ASS1: variants seen among roughly 807,000 people sequenced by gnomAD.
ASS1 encodes argininosuccinate synthase.
ASS1 carries 58 observed loss-of-function variants against 60.5 expected under a neutral mutation model. That is an observed-to-expected ratio of 0.96 (90% confidence interval 0.78 to 1.19). The LOEUF is 1.19. Ranked by LOEUF, ASS1 falls within the 50% of genes most tolerant of loss-of-function variation. The pLI, the probability that ASS1 is intolerant of heterozygous loss-of-function variation, is 0.00. For missense variants in ASS1, 454 were observed against 547.3 expected, an observed-to-expected ratio of 0.83 and a Z score of 1.70; for synonymous variants, 200 against 206.9, an observed-to-expected ratio of 0.97 and a Z score of 0.29.
chr9:130,456,615 T>A (rs1005145015), intron 3 of ASS1, among the ~76,000 whole-genome samples: 5 of 152,164 alleles, frequency 3.3e-5, no homozygotes, highest in African/African-American at 1.2e-4. Flanking sequence ...ACACAGGAAG[T>A]TGCAAAAGCA....
chr9:130,485,176 G>A (rs1043465188), intron 11 of ASS1, among the ~76,000 whole-genome samples: 4 of 152,154 alleles, frequency 2.6e-5, no homozygotes, highest in Non-Finnish European at 4.4e-5. Context: ...CCCCACCTGC[G>A]CCCTCCCCTC....
At chr9:130,461,991 G>A (rs1298886849) in intron 4 of ASS1, among the ~76,000 whole-genome samples, 1 of 152,150 alleles carries the variant, frequency 6.6e-6, no homozygotes, top group Non-Finnish European at 1.5e-5. Context: ...AGCCCTGAAG[G>A]CAGAGGCGGA....
intron 7 of ASS1, among the ~76,000 whole-genome samples, chr9:130,471,158 G>A (rs1283513676): frequency 6.6e-6 from 1 of 152,198 alleles, no homozygotes; most frequent in Non-Finnish European, 1.5e-5. Context: ...GCTTCTTAGA[G>A]GAGGTGGCAT....
intron 11 of ASS1, among the ~76,000 whole-genome samples, chr9:130,487,079 G>A (rs1027449480): frequency 2.0e-5 from 3 of 152,188 alleles, no homozygotes; most frequent in Admixed American, 6.5e-5. Context: ...TAAAACTGGT[G>A]TGTGGGACTA....
At chr9:130,453,809 G>A (rs1048001754) in intron 2 of ASS1, among the ~76,000 whole-genome samples, 5 of 152,220 alleles carry the variant, frequency 3.3e-5, no homozygotes, top group Non-Finnish European at 7.3e-5. Flanking sequence ...TGGCCACAGG[G>A]ACGGAGCTGG....
intron 2 of ASS1, among the ~76,000 whole-genome samples, chr9:130,453,486 T>C (rs981629876): frequency 6.6e-6 from 1 of 152,262 alleles, no homozygotes; most frequent in African/African-American, 2.4e-5. Context: ...CACAGTCACC[T>C]GGTGGGTGAG....
intron 1 of ASS1, among the ~76,000 whole-genome samples, chr9:130,450,855 TG>T (rs1367204231): frequency 2.0e-5 from 3 of 152,226 alleles, no homozygotes; most frequent in Non-Finnish European, 4.4e-5. Context: ...ATAAAGACCC[TG>T]GGTGACTCTG....
intron 1 of ASS1, 144 bp from the exon 2 acceptor site, chr9:130,452,080 A>T: frequency 1.3e-6 from 1 of 745,844 alleles, no homozygotes; most frequent in South Asian, 1.5e-5. Flanking sequence ...CTGAAGGTGA[A>T]CATCCTGTTC....
Position 130,470,919 on chromosome 9 carries a change from C to G in ASS1, c.566+15C>G. On this transcript the variant is annotated intron_variant, in intron 7 of 14. Transcript: ENST00000352480. The surrounding 1 kb of genome is among the most constrained non-coding windows in gnomAD (Gnocchi z 4.3). ...ATGCACATCAGGTAAATCCCACCCT[C>G]CACCCATCCTTGGTCCTCCCGGGCT... The G allele has an allele frequency of 6.2e-7, 1 of 1,613,582 alleles. No homozygotes were observed.
In ASS1 at chr9:130,491,368, G is replaced by A. The variant is rs912518590; in HGVS notation, c.970+1904G>A. ...CGGAGGCTGATCCCACCGTGGCCGC[G>A]GCCACGGCTGCCACTTATCCTGCCA... On this transcript the variant is annotated intron_variant, in intron 12 of 14. Transcript: ENST00000352480. This position sits in a 1 kb window ranked among gnomAD's most constrained non-coding sequence, Gnocchi z 5.3. Among the ~76,000 whole-genome samples the A allele has an allele frequency of 1.3e-5, 2 of 152,146 alleles. No individual in the cohort carries two copies. The highest frequency in any genetic ancestry group is 6.5e-5 in the Admixed American group (1 of 15,278).
intron 3 of ASS1, among the ~76,000 whole-genome samples, chr9:130,455,352 GTCTA>G (rs1170118323): frequency 6.7e-6 from 1 of 148,248 alleles, no homozygotes; most frequent in Non-Finnish European, 1.5e-5. Flanking sequence ...TCCCTCCACT[GTCTA>G]TCCATCCATT....
Position 130,470,864 on chromosome 9 carries a change from A to G in ASS1, c.526A>G (p.Lys176Glu), listed in dbSNP as rs1207643091. ...QHGIPIPVTP[K>E]NPWSMDENLM... ...CGGGATTCCCATCCCGGTCACTCCC[A>G]AGAACCCGTGGAGCATGGATGAGAA... Residue 176 changes from lysine (K) to glutamate (E), a missense_variant, in exon 7 of 15, where the codon AAG becomes GAG. By Grantham distance (56) the Lys-to-Glu change is moderately conservative. Coordinates refer to ENST00000352480, the MANE Select transcript of ASS1 (RefSeq NM_054012.4). This position sits in a 1 kb window ranked among gnomAD's most constrained non-coding sequence, Gnocchi z 4.3. 2 of 1,614,050 alleles carry G rather than the reference A, an allele frequency of 1.2e-6. No homozygotes were observed. Among genetic ancestry groups the G allele is most frequent in the East Asian group, 4.5e-5 (2 of 44,866 alleles).
Position 130,478,000 on chromosome 9 carries a change from G to C in ASS1, c.688+1039G>C, listed in dbSNP as rs1846067118. Among the ~76,000 whole-genome samples, 1 of 152,204 alleles carries C rather than the reference G, an allele frequency of 6.6e-6. No homozygotes were observed. The highest frequency in any genetic ancestry group is 2.4e-5 in the African/African-American group (1 of 41,446). ...CTCTCCCCCTTGCTGGTGTGACCTT[G>C]ACAGCCAGCTTCACCATGCTGGGCC... On this transcript the variant is annotated intron_variant, in intron 9 of 14. Coordinates refer to ENST00000352480, the MANE Select transcript of ASS1 (RefSeq NM_054012.4). The surrounding 1 kb of genome is among the most constrained non-coding windows in gnomAD (Gnocchi z 4.2).
intron 1 of ASS1, among the ~76,000 whole-genome samples, chr9:130,448,816 G>A (rs1054389233): frequency 2.6e-5 from 4 of 152,130 alleles, no homozygotes; most frequent in Non-Finnish European, 5.9e-5. Context: ...CACCCACCTC[G>A]GCCGTCCAAA....
chr9:130,455,236 A>G (rs1845422686), intron 3 of ASS1, among the ~76,000 whole-genome samples: 1 of 149,124 alleles, frequency 6.7e-6, no homozygotes, highest in South Asian at 2.1e-4. Context: ...CCGTCTATTC[A>G]TCCATCCATT....
At chr9:130,456,329 G>A (rs764816848) in intron 3 of ASS1, among the ~76,000 whole-genome samples, 9 of 151,890 alleles carry the variant, frequency 5.9e-5, no homozygotes, top group Non-Finnish European at 8.8e-5. Context: ...AGCTGGGCGC[G>A]ATGGTGGGTG....
At chr9:130,474,074 C>CCCCCCA (rs1554722814) in intron 8 of ASS1, among the ~76,000 whole-genome samples, 8 of 100,056 alleles carry the variant, frequency 8.0e-5, no homozygotes, top group Non-Finnish European at 1.5e-4. Flanking sequence ...CCCCCCCCCC[C>CCCCCCA]CACAGATGAC....
chr9:130,461,738 A>T (rs1588478543), intron 4 of ASS1, among the ~76,000 whole-genome samples: 1 of 152,064 alleles, frequency 6.6e-6, no homozygotes, highest in East Asian at 1.9e-4. Context: ...AGCGAGGGGA[A>T]TCCAAGGCCT....
chr9:130,455,744 G>A (rs11243395), intron 3 of ASS1, among the ~76,000 whole-genome samples: 2,868 of 152,370 alleles, frequency 0.019, 86 homozygotes, highest in African/African-American at 0.065. Context: ...GAGTGAGCAG[G>A]GGACATAGCA....
Sources: gnomAD v4.1 joint callset for allele counts (sites outside exome capture counted in the v4.1 genomes callset) on GRCh38, gnomAD v4.1.1 for gene constraint, Gnocchi (gnomAD v3.1) non-coding constraint, MANE v1.5 for transcripts, NCBI Gene and HGNC (gene_info 2026-07-23, HGNC 2026-07-21) for gene names.